The following ACACA variants were observed in gnomAD, a reference collection of about 807,000 sequenced individuals.
ACACA encodes the protein acetyl-CoA carboxylase 1.
A neutral mutation model predicts 296.1 loss-of-function variants in ACACA; 103 were observed. That is an observed-to-expected ratio of 0.35 (90% CI 0.30 to 0.41). The LOEUF (loss-of-function observed/expected upper bound fraction) is 0.41. Among genes scored for constraint, ACACA ranks in the 10% least tolerant of loss-of-function variants. ACACA has a pLI of 1.00. For synonymous variants in ACACA, 953 were observed against 1,038.6 expected (o/e 0.92, Z 1.58); for missense variants, 1,554 against 2,989.7 (o/e 0.52, Z 11.20).
At chr17:37,246,734 C>A (rs2080724305) in intron 19 of ACACA, 92 bp downstream of exon 19, 1 of 1,532,664 alleles carries the variant, frequency 6.5e-7, no homozygotes, top group Non-Finnish European at 8.9e-7. Context: ...TGCCCAGCCT[C>A]CTTTCTGTAA....
chr17:37,301,337 C>CATGAACAGTGT, intron 3 of ACACA: 1 of 980,424 alleles, frequency 1.0e-6, no homozygotes, highest in Non-Finnish European at 1.2e-6. Context: ...TTAAAGCATC[C>CATGAACAGTGT]CCCTTTTAAT....
intron 1 of ACACA, among the ~76,000 whole-genome samples, chr17:37,356,899 A>G (rs1437439970): frequency 6.6e-6 from 1 of 152,218 alleles, no homozygotes; most frequent in African/African-American, 2.4e-5. Flanking sequence ...GAAAAACACT[A>G]GCCCTAAACC....
intron 34 of ACACA, 47 bp downstream of exon 34, chr17:37,200,380 G>A: frequency 6.6e-7 from 1 of 1,525,016 alleles, no homozygotes; most frequent in Non-Finnish European, 9.1e-7. Context: ...TTAAGTTGTA[G>A]CAGCAGCATA....
chr17:37,307,871 A>C (rs184801656), intron 3 of ACACA, among the ~76,000 whole-genome samples: 19 of 152,186 alleles, frequency 1.2e-4, no homozygotes, highest in African/African-American at 4.6e-4. Context: ...TATAGGTGTG[A>C]GCCACTGTGC....
intron 43 of ACACA, 91 bp from the exon 44 acceptor site, chr17:37,151,512 G>C: frequency 6.7e-7 from 1 of 1,501,744 alleles, no homozygotes; most frequent in Non-Finnish European, 9.2e-7. Flanking sequence ...GCGGCTAAAA[G>C]TGTATTGAAA....
At chr17:37,178,421 T>C (rs1185869467) in intron 41 of ACACA, among the ~76,000 whole-genome samples, 1 of 152,202 alleles carries the variant, frequency 6.6e-6, no homozygotes, top group Admixed American at 6.5e-5. Flanking sequence ...ATCAAATGAA[T>C]TGAGCATGGA....
At chr17:37,142,007 T>A (rs946922536) in intron 45 of ACACA, among the ~76,000 whole-genome samples, 1 of 151,638 alleles carries the variant, frequency 6.6e-6, no homozygotes. Flanking sequence ...TTTTTGTTTT[T>A]TTTTGTTTTT....
In ACACA at chr17:37,162,020, T is replaced by C; in HGVS notation, c.5110A>G (p.Lys1704Glu). Residue 1704 changes from lysine to glutamate, a missense_variant, in exon 42 of 56, where the codon AAA becomes GAA. Coordinates refer to ENST00000616317, the MANE Select transcript of ACACA (RefSeq NM_198834.3). ...CGGCCTTCTGGATATTCAGGACTTT[T>C]AAAGGTCATTTTCCAAGCTACCATG... ...IGMVAWKMTF[K>E]SPEYPEGRDI... 6.2e-7 allele frequency: 1 copy of C among 1,614,190 alleles called. No individual in the cohort carries two copies.
At chr17:37,229,012 C>CG (rs2079695445) in intron 25 of ACACA, among the ~76,000 whole-genome samples, 1 of 151,456 alleles carries the variant, frequency 6.6e-6, no homozygotes, top group South Asian at 2.1e-4. Context: ...GGCGTGGTGG[C>CG]GGGTGCCTGT....
At chr17:37,152,634 C>T (rs1745013682) in intron 43 of ACACA, among the ~76,000 whole-genome samples, 1 of 152,040 alleles carries the variant, frequency 6.6e-6, no homozygotes, top group African/African-American at 2.4e-5. Flanking sequence ...ATCTGTCTTC[C>T]TGGCAGGGGA....
intron 3 of ACACA, among the ~76,000 whole-genome samples, chr17:37,298,959 C>T (rs1282397201): frequency 6.6e-6 from 1 of 152,138 alleles, no homozygotes; most frequent in Admixed American, 6.5e-5. Context: ...TAGCCAAATC[C>T]AGGGAGTAAA....
chr17:37,347,205 G>A (rs2048666453), intron 1 of ACACA, among the ~76,000 whole-genome samples: 1 of 152,170 alleles, frequency 6.6e-6, no homozygotes, highest in Non-Finnish European at 1.5e-5. Context: ...GAGTTTCCCT[G>A]CACAAGCTCT....
At chr17:37,400,738 GTC>G (rs1211478914) in intron 1 of ACACA, among the ~76,000 whole-genome samples, 1,747 of 143,860 alleles carry the variant, frequency 0.012, 33 homozygotes, top group African/African-American at 0.04. Context: ...TTGTGTGTGT[GTC>G]TGTGTGTGTG....
Position 37,263,923 on chromosome 17 carries a change from C to A in ACACA, c.1120-29G>T, listed in dbSNP as rs17848794. 2.1e-4 allele frequency: 324 copies of A among 1,552,630 alleles called. 1 individual carries two copies. The East Asian group carries it at 4.9e-3, about 23-fold the overall frequency. ...TATTAGAAAAGGGGGAAAAAAAAAA[C>A]CAATTCTTAAATTTTAAACTTTTTA... On this transcript the variant is annotated intron_variant, in intron 10 of 55. Transcript: ENST00000616317.
At chr17:37,180,352 G>A (rs1367166111) in intron 40 of ACACA, among the ~76,000 whole-genome samples, 1 of 152,134 alleles carries the variant, frequency 6.6e-6, no homozygotes, top group Non-Finnish European at 1.5e-5. Context: ...GTAATCTCTT[G>A]TATTTGTGAA....
chr17:37,172,369 T>G (rs145120831), intron 41 of ACACA, among the ~76,000 whole-genome samples: 6 of 152,250 alleles, frequency 3.9e-5, no homozygotes, highest in African/African-American at 1.4e-4. Flanking sequence ...ATAATAGTCA[T>G]TCAGAAGGAA....
At position 37,188,570 on chromosome 17, in the gene ACACA, A is replaced by T. The variant is rs1196078267; in HGVS notation, c.4573-90T>A. On this transcript the variant is annotated intron_variant, in intron 38 of 55. Transcript: ENST00000616317. ...TGCTCATATTTGAGAAAGAAGGGGT[A>T]AAAAAAAAAAGAGGTTGGTTTGTGG... is the stretch of plus-strand genomic sequence containing the variant. The T allele has an allele frequency of 9.2e-6, 6 of 651,322 alleles. No homozygotes were observed. The East Asian group carries it at 1.5e-4, about 16-fold the overall frequency. The allele number at this position is 651,322 out of a possible 1,614,324, so 40.3% of individuals were successfully genotyped here.
At chr17:37,119,719 G>C (rs531672396) in intron 50 of ACACA, among the ~76,000 whole-genome samples, 1 of 150,106 alleles carries the variant, frequency 6.7e-6, no homozygotes, top group Non-Finnish European at 1.5e-5. Context: ...AAAATTGTCG[G>C]CAAAAATTTC....
At chr17:37,287,918 T>C (rs1411365728) in intron 3 of ACACA, among the ~76,000 whole-genome samples, 4 of 152,212 alleles carry the variant, frequency 2.6e-5, no homozygotes, top group Non-Finnish European at 2.9e-5. Context: ...GGTCAATCTA[T>C]TAAAATTTTC....
Sources: gnomAD v4.1 joint callset for allele counts (sites outside exome capture counted in the v4.1 genomes callset) on GRCh38, gnomAD v4.1.1 for gene constraint, MANE v1.5 for transcripts, NCBI Gene and HGNC (gene_info 2026-07-23, HGNC 2026-07-21) for gene names.